Variants in ANK3 observed in about 807,000 individuals in gnomAD.
The protein encoded by ANK3 is ankyrin 3.
Under a neutral mutation model 370.9 loss-of-function variants are expected in ANK3, and 57 were observed. That is an observed-to-expected ratio of 0.15 (90% CI 0.12 to 0.19). The LOEUF (loss-of-function observed/expected upper bound fraction) is 0.19, where lower values mean the gene tolerates loss of function less well. ANK3 is among the 10% of genes least tolerant of loss of function. ANK3 has a pLI of 1.00. For missense variants in ANK3, 4,439 were observed against 5,302.1 expected (o/e 0.84, Z 5.06); for synonymous variants, 1,929 against 1,946.3 (o/e 0.99, Z 0.23).
intron 2 of ANK3, among the ~76,000 whole-genome samples, chr10:60,437,141 C>T (rs2064179207): frequency 6.6e-6 from 1 of 152,154 alleles, no homozygotes; most frequent in Non-Finnish European, 1.5e-5. Flanking sequence ...TTCACAATTA[C>T]TATTTAAATG....
At position 60,072,880 on chromosome 10, in the gene ANK3, G is replaced by C. The variant is rs778594543; in HGVS notation, c.8001C>G (p.Pro2667=). 2.5e-6 allele frequency: 4 copies of C among 1,613,924 alleles called. No homozygotes were observed. The African/African-American group carries it at 5.3e-5, about 22-fold the overall frequency. The change falls in exon 37 of 44, where the codon CCC becomes CCG. Residue 2667 remains proline, a synonymous_variant. Transcript: ENST00000280772. ...TCTTCTCTGGGCTGCTGGGCAGACT[G>C]GGTGCCTTCTCCTCGGCCTTGGGGA... is the stretch of plus-strand genomic sequence containing the variant. ...QGFPKAEEKA[P]SLPSSPEKMV... is the part of the protein sequence containing the mutation.
intron 2 of ANK3, among the ~76,000 whole-genome samples, chr10:60,556,289 C>T (rs545707566): frequency 9.9e-4 from 150 of 152,264 alleles, no homozygotes; most frequent in African/African-American, 3.3e-3. Flanking sequence ...ATCTATTTTC[C>T]GGCCTGCTGT....
intron 25 of ANK3, among the ~76,000 whole-genome samples, chr10:60,132,724 C>T (rs2094149775): frequency 1.3e-5 from 2 of 151,770 alleles, no homozygotes; most frequent in African/African-American, 4.8e-5. Flanking sequence ...TCAAGCAATT[C>T]TCCTGCCTCA....
intron 23 of ANK3, among the ~76,000 whole-genome samples, chr10:60,157,039 C>T (rs1381168864): frequency 2.1e-5 from 3 of 142,328 alleles, no homozygotes; most frequent in South Asian, 2.2e-4. Flanking sequence ...CTCAATGAAT[C>T]TTTTTTTTTT....
chr10:60,132,029 T>C (rs1354511649), intron 25 of ANK3, among the ~76,000 whole-genome samples: 1 of 152,114 alleles, frequency 6.6e-6, no homozygotes, highest in Non-Finnish European at 1.5e-5. Context: ...AACAGGCATT[T>C]TTATACTTAC....
intron 1 of ANK3, among the ~76,000 whole-genome samples, chr10:60,639,914 G>A (rs1588956535): frequency 6.6e-6 from 1 of 151,918 alleles, no homozygotes. Context: ...AAAGAAAAAA[G>A]TATCAAGCTG....
intron 18 of ANK3, among the ~76,000 whole-genome samples, chr10:60,177,900 ATCTC>A (rs2096023169): frequency 6.6e-6 from 1 of 152,006 alleles, no homozygotes; most frequent in African/African-American, 2.4e-5. Context: ...TCTTTTAATT[ATCTC>A]TCTAATTTCT....
chr10:60,520,080 C>T lies in ANK3; in HGVS notation c.96+95106G>A, dbSNP rs190752503. 5.3e-4 allele frequency among the ~76,000 whole-genome samples: 80 copies of T among 152,180 alleles called. 1 individual carries two copies. Among genetic ancestry groups the T allele is most frequent in the African/African-American group, 1.8e-3 (74 of 41,544 alleles). The stretch of plus-strand genomic sequence containing the variant: ...AAATTCCATTTTAGCGGTACATATA[C>T]ACATGGAATACTACATAGTCATCAA... On this transcript the variant is annotated intron_variant, in intron 2 of 43. Transcript: ENST00000373827.
Position 60,245,905 on chromosome 10 carries a change from T to G in ANK3, c.799-11119A>C, listed in dbSNP as rs556417431. On this transcript the variant is annotated intron_variant, in intron 7 of 43. Transcript: ENST00000280772. ...TTTGACTTAGATGACCTATTATTAGTGACACAAGTATAAAATAAACTCAGA... is the reference window on the plus strand; with the variant it reads ...TTTGACTTAGATGACCTATTATTAGGGACACAAGTATAAAATAAACTCAGA... Among the ~76,000 whole-genome samples the G allele has an allele frequency of 2.0e-5, 3 of 152,268 alleles. 1 individual carries two copies. The highest frequency in any genetic ancestry group is 7.2e-5 in the African/African-American group (3 of 41,556).
intron 2 of ANK3, among the ~76,000 whole-genome samples, chr10:60,534,876 G>C (rs2076687766): frequency 6.6e-6 from 1 of 152,142 alleles, no homozygotes. Context: ...GGATGGAAAA[G>C]TACTTCCCTA....
intron 2 of ANK3, among the ~76,000 whole-genome samples, chr10:60,504,367 T>C (rs1421485980): frequency 6.6e-6 from 1 of 152,172 alleles, no homozygotes; most frequent in Non-Finnish European, 1.5e-5. Context: ...TAGCCAAATT[T>C]AGAGAAATTA....
chr10:60,569,339 C>T (rs1229129907), intron 2 of ANK3, among the ~76,000 whole-genome samples: 1 of 152,132 alleles, frequency 6.6e-6, no homozygotes, highest in Non-Finnish European at 1.5e-5. Flanking sequence ...CTAGTATCCC[C>T]AGTAGCTGCC....
chr10:60,065,338 T>G (rs1273273653), intron 38 of ANK3, among the ~76,000 whole-genome samples: 4 of 152,224 alleles, frequency 2.6e-5, no homozygotes, highest in Admixed American at 2.0e-4. Flanking sequence ...CTGTATTTTT[T>G]TATATTAAAA....
chr10:60,632,033 G>A (rs7080024), intron 1 of ANK3, among the ~76,000 whole-genome samples: 103,066 of 152,040 alleles, frequency 0.68, 35,081 homozygotes, highest in South Asian at 0.82. Context: ...CACAGGAATG[G>A]AACCAGTTGG....
intron 2 of ANK3, among the ~76,000 whole-genome samples, chr10:60,569,289 TA>T (rs1294925673): frequency 6.6e-6 from 1 of 152,150 alleles, no homozygotes; most frequent in Non-Finnish European, 1.5e-5. Flanking sequence ...TTAAAAACTT[TA>T]AAAAATACGG....
chr10:60,109,831 CTG>C (rs1371594978), intron 26 of ANK3, among the ~76,000 whole-genome samples: 1 of 152,144 alleles, frequency 6.6e-6, no homozygotes, highest in Non-Finnish European at 1.5e-5. Flanking sequence ...AAGAAATTAA[CTG>C]TTATTTTTGG....
In ANK3 at chr10:60,070,183, T is replaced by G; in HGVS notation, c.10698A>C (p.Pro3566=). The part of the protein sequence containing the change: ...DSKSREDETK[P]FGLAVEDRSP... The stretch of plus-strand genomic sequence containing the variant: ...AGCGGTCTTCTACCGCCAGCCCAAA[T>G]GGCTTAGTTTCATCTTCCCGTGATT... Residue 3566 remains proline, a synonymous_variant, in exon 37 of 44, where the codon CCA becomes CCC. Coordinates refer to ENST00000280772, the MANE Select transcript of ANK3 (RefSeq NM_020987.5). The surrounding 1 kb of genome is among the most constrained non-coding windows in gnomAD (Gnocchi z 5.7). 2 of 1,614,166 alleles carry G rather than the reference T, an allele frequency of 1.2e-6. No homozygotes were observed. Among genetic ancestry groups the G allele is most frequent in the Non-Finnish European group, 1.7e-6 (2 of 1,180,014 alleles).
intron 7 of ANK3, among the ~76,000 whole-genome samples, chr10:60,248,738 T>C (rs1048987726): frequency 1.3e-5 from 2 of 152,204 alleles, no homozygotes; most frequent in African/African-American, 4.8e-5. Context: ...GAAGCTGGAA[T>C]GGGTTACAGG....
intron 7 of ANK3, among the ~76,000 whole-genome samples, chr10:60,258,315 C>A (rs955225857): frequency 2.6e-5 from 4 of 152,116 alleles, no homozygotes; most frequent in African/African-American, 9.7e-5. Context: ...GACCCATGAG[C>A]CTGAATAGAT....
Sources: gnomAD v4.1 joint callset for allele counts (sites outside exome capture counted in the v4.1 genomes callset) on GRCh38, gnomAD v4.1.1 for gene constraint, Gnocchi (gnomAD v3.1) non-coding constraint, MANE v1.5 for transcripts, NCBI Gene and HGNC (gene_info 2026-07-23, HGNC 2026-07-21) for gene names.